Variants in SEM1 observed in about 807,000 individuals in gnomAD.
The protein encoded by SEM1 is 26S proteasome complex subunit SEM1.
A neutral mutation model predicts 12.7 loss-of-function variants in SEM1; 3 were observed. The observed-to-expected ratio is 0.24, with a 90% confidence interval of 0.11 to 0.61. SEM1 has a LOEUF of 0.61. Ranked by LOEUF, SEM1 falls within the 20% of genes least tolerant of loss-of-function variation. The pLI is 0.88. For synonymous variants in SEM1, 30 were observed against 27.8 expected (o/e 1.08, Z -0.25); for missense variants, 59 against 81.3 (o/e 0.73, Z 1.06).
At chr7:96,676,752 TAC>T (rs1436066697) in intron 2 of SEM1, among the ~76,000 whole-genome samples, 1 of 152,214 alleles carries the variant, frequency 6.6e-6, no homozygotes, top group Non-Finnish European at 1.5e-5. Context: ...CACAAATTTA[TAC>T]AGAGGATCTA....
chr7:96,539,057 A>T (rs1481387349), intron 2 of SEM1, among the ~76,000 whole-genome samples: 2 of 151,796 alleles, frequency 1.3e-5, no homozygotes, highest in Non-Finnish European at 2.9e-5. Flanking sequence ...TTTCTTTGGT[A>T]AAACAAGCTA....
chr7:96,539,044 T>C (rs1437597111), intron 2 of SEM1, among the ~76,000 whole-genome samples: 1 of 151,826 alleles, frequency 6.6e-6, no homozygotes, highest in East Asian at 1.9e-4. Flanking sequence ...CACTTCCTTT[T>C]GTTTTCTTTG....
At chr7:96,703,318 G>T (rs1009242896) in intron 1 of SEM1, among the ~76,000 whole-genome samples, 6 of 152,116 alleles carry the variant, frequency 3.9e-5, no homozygotes, top group Admixed American at 1.3e-4. Context: ...TGGTTGTCTT[G>T]TGACTATGTC....
chr7:96,521,365 TC>T (rs1804264495), intron 2 of SEM1, among the ~76,000 whole-genome samples: 1 of 152,020 alleles, frequency 6.6e-6, no homozygotes, highest in African/African-American at 2.4e-5. Flanking sequence ...AGGTCATCAT[TC>T]CCCAGCAGGC....
At chr7:96,701,509 G>A (rs1208272708) in intron 1 of SEM1, among the ~76,000 whole-genome samples, 1 of 151,982 alleles carries the variant, frequency 6.6e-6, no homozygotes, top group Non-Finnish European at 1.5e-5. Context: ...CTCCAGAATG[G>A]GTGAGAAAAT....
At chr7:96,550,426 A>G (rs1268734513) in intron 2 of SEM1, among the ~76,000 whole-genome samples, 1 of 152,138 alleles carries the variant, frequency 6.6e-6, no homozygotes, top group Non-Finnish European at 1.5e-5. Flanking sequence ...TATTATTTTG[A>G]TTGCAAAATC....
At chr7:96,683,126 C>T (rs1789664710) in intron 2 of SEM1, among the ~76,000 whole-genome samples, 1 of 151,716 alleles carries the variant, frequency 6.6e-6, no homozygotes, top group African/African-American at 2.4e-5. Flanking sequence ...TTAGTTCAAA[C>T]ATTGTGGAAG....
At chr7:96,494,607 G>GT (rs1409373603) in intron 1 of SEM1, among the ~76,000 whole-genome samples, 3 of 152,046 alleles carry the variant, frequency 2.0e-5, no homozygotes, top group African/African-American at 7.2e-5. Context: ...CTTAGATTAG[G>GT]ACATGGGTGT....
rs1434451274 is a variant in SEM1 at position 96,640,895 on chromosome 7, TA to T, written c.171-18253del. On this transcript the variant is annotated intron_variant, in intron 2 of 2. Transcript: ENST00000417009. This position sits in a 1 kb window ranked among gnomAD's most constrained non-coding sequence, Gnocchi z 4.0. ...TTTTGCTGTTAACCTAACACTGCTC[TA>T]AAAAATATGGTTTCTTTACAAAAAA... Among the ~76,000 whole-genome samples the T allele has an allele frequency of 6.6e-6, 1 of 151,952 alleles. No individual in the cohort carries two copies. Among genetic ancestry groups the T allele is most frequent in the Non-Finnish European group, 1.5e-5 (1 of 67,926 alleles).
chr7:96,482,895 G>T (rs1345071779), exon 4 of SEM1: 1 of 152,150 alleles, frequency 6.6e-6, no homozygotes, highest in African/African-American at 2.4e-5. Flanking sequence ...GGCTGGCTTT[G>T]TTCTCAGCAA....
intron 2 of SEM1, among the ~76,000 whole-genome samples, chr7:96,643,174 C>T (rs1808669644): frequency 6.6e-6 from 1 of 152,018 alleles, no homozygotes; most frequent in African/African-American, 2.4e-5. Flanking sequence ...CATCATTTCA[C>T]TCCAGGTTAT....
intron 2 of SEM1, among the ~76,000 whole-genome samples, chr7:96,682,587 C>T (rs757510343): frequency 4.6e-5 from 7 of 151,752 alleles, no homozygotes; most frequent in Non-Finnish European, 8.8e-5. Context: ...AAAACCTAGG[C>T]GATAACATTC....
At chr7:96,565,063 A>G (rs1376069649) in intron 2 of SEM1, among the ~76,000 whole-genome samples, 1 of 151,972 alleles carries the variant, frequency 6.6e-6, no homozygotes, top group African/African-American at 2.4e-5. Flanking sequence ...CTAGTCCTCC[A>G]TTCCTCTCCC....
intron 2 of SEM1, among the ~76,000 whole-genome samples, chr7:96,675,744 T>C (rs1392053256): frequency 6.6e-6 from 1 of 152,130 alleles, no homozygotes; most frequent in Non-Finnish European, 1.5e-5. Flanking sequence ...AATATCACTC[T>C]TGGGACTGTA....
chr7:96,554,121 T>C (rs368691124), intron 2 of SEM1, among the ~76,000 whole-genome samples: 9 of 150,922 alleles, frequency 6.0e-5, no homozygotes, highest in East Asian at 3.9e-4. Flanking sequence ...TTTCTAGATA[T>C]ACAATCATGT....
At chr7:96,541,443 G>GTTTTTTTTT (rs61049763) in intron 2 of SEM1, among the ~76,000 whole-genome samples, 2 of 102,404 alleles carry the variant, frequency 2.0e-5, no homozygotes, top group African/African-American at 7.6e-5. Context: ...TTTTTTTTTT[G>GTTTTTTTTT]TTTTTTTTTT....
At chr7:96,521,420 C>T (rs760822443) in intron 2 of SEM1, among the ~76,000 whole-genome samples, 1 of 152,102 alleles carries the variant, frequency 6.6e-6, no homozygotes, top group Non-Finnish European at 1.5e-5. Context: ...GGGTGTGGGA[C>T]AAGCGTCTGG....
At chr7:96,492,552 A>T (rs1463619315) in intron 1 of SEM1, among the ~76,000 whole-genome samples, 1 of 150,006 alleles carries the variant, frequency 6.7e-6, no homozygotes, top group African/African-American at 2.5e-5. Flanking sequence ...TGGGACTACA[A>T]GTGTGTGCCA....
At chr7:96,539,467 T>C (rs1227420673) in intron 2 of SEM1, among the ~76,000 whole-genome samples, 2 of 151,774 alleles carry the variant, frequency 1.3e-5, no homozygotes, top group Non-Finnish European at 2.9e-5. Context: ...GATTTTGTTA[T>C]TGTGTTGCTC....
Sources: gnomAD v4.1 joint callset for allele counts (sites outside exome capture counted in the v4.1 genomes callset) on GRCh38, gnomAD v4.1.1 for gene constraint, Gnocchi (gnomAD v3.1) non-coding constraint, MANE v1.5 for transcripts, NCBI Gene and HGNC (gene_info 2026-07-23, HGNC 2026-07-21) for gene names.